Variants in ATP6V1E1 observed in about 807,000 individuals in gnomAD.
ATP6V1E1 encodes ATPase H+ transporting V1 subunit E1.
ATP6V1E1 carries 21 observed loss-of-function variants against 35.2 expected under a neutral mutation model. The observed-to-expected ratio is 0.60, with a 90% CI of 0.42 to 0.86. The LOEUF is 0.86. ATP6V1E1 is among the 40% of genes least tolerant of loss of function. ATP6V1E1 has a pLI of 0.00. For synonymous variants in ATP6V1E1, 83 were observed against 87.8 expected, an observed-to-expected ratio of 0.95 and a Z score of 0.30; for missense variants, 183 against 272.6, an observed-to-expected ratio of 0.67 and a Z score of 2.32.
At chr22:17,612,992 T>C in intron 3 of ATP6V1E1, 114 bp from the exon 4 acceptor site, 1 of 1,072,562 alleles carries the variant, frequency 9.3e-7, no homozygotes, top group Non-Finnish European at 1.4e-6. Flanking sequence ...AGCACCAGGA[T>C]TACAAGCGTG....
At chr22:17,595,063 GTTTT>G (rs774192614) in intron 7 of ATP6V1E1, 2 of 151,382 alleles carry the variant, frequency 1.3e-5, no homozygotes, top group East Asian at 3.9e-4. Flanking sequence ...AATTTGTTTT[GTTTT>G]TTTTGAGACT....
chr22:17,598,311 G>A (rs1175863283), intron 6 of ATP6V1E1, 23 bp from the exon 7 acceptor site: 1 of 1,562,690 alleles, frequency 6.4e-7, no homozygotes, highest in Non-Finnish European at 8.8e-7. Flanking sequence ...AACACAATGA[G>A]AGGTGTCACT....
chr22:17,624,830 A>AG (rs1469419855), intron 1 of ATP6V1E1, among the ~76,000 whole-genome samples: 1 of 152,194 alleles, frequency 6.6e-6, no homozygotes, highest in Non-Finnish European at 1.5e-5. Context: ...CAAAAAAAAA[A>AG]AATCATTTTG....
chr22:17,613,911 G>C (rs1054655385), intron 2 of ATP6V1E1, among the ~76,000 whole-genome samples: 1 of 152,066 alleles, frequency 6.6e-6, no homozygotes, highest in African/African-American at 2.4e-5. Context: ...AGCTTGCAGC[G>C]AGTGGAGATC....
Position 17,600,065 on chromosome 22 carries a change from T to A in ATP6V1E1, c.397A>T (p.Ile133Phe). 1 of 1,613,896 alleles carries A rather than the reference T, an allele frequency of 6.2e-7. No homozygotes were observed. Residue 133 changes from isoleucine (I) to phenylalanine (F), a missense_variant, in exon 6 of 9, where the codon ATT becomes TTT. By Grantham distance (21) the Ile-to-Phe change is conservative. Coordinates refer to ENST00000253413, the MANE Select transcript of ATP6V1E1 (RefSeq NM_001696.4). ...GLYQLLEPRM[I>F]VRCRKQDFPL... ...AAATCTTGTTTCCTGCAACGAACAA[T>A]CATTCGGGGCTCCAGCAACTGGTAC...
intron 4 of ATP6V1E1, among the ~76,000 whole-genome samples, chr22:17,609,274 C>T (rs1246107576): frequency 1.3e-5 from 2 of 151,196 alleles, no homozygotes; most frequent in East Asian, 4.0e-4. Flanking sequence ...AATTCTCCTG[C>T]CTCAGCCTCT....
At chr22:17,600,006 A>T (rs372782285) in intron 6 of ATP6V1E1, 21 bp downstream of exon 6, 2 of 1,601,142 alleles carry the variant, frequency 1.2e-6, no homozygotes, top group Non-Finnish European at 1.7e-6. Context: ...GGGAGGGAAA[A>T]AATTATCCTA....
chr22:17,609,583 C>T (rs953448174), intron 4 of ATP6V1E1, among the ~76,000 whole-genome samples: 4 of 151,368 alleles, frequency 2.6e-5, no homozygotes, highest in Non-Finnish European at 5.9e-5. Context: ...TTTCTCCTGC[C>T]TCAGCCTCCC....
In ATP6V1E1 at chr22:17,598,253, A is replaced by T; in HGVS notation, c.471T>A (p.Ile157=). The change falls in exon 7 of 9, where the codon ATT becomes ATA. Residue 157 remains isoleucine, a synonymous_variant. Coordinates refer to ENST00000253413, the MANE Select transcript of ATP6V1E1 (RefSeq NM_001696.4). Reference sequence around the variant, plus strand: ...GGACATCAACATCGTTTTTGGTGGCAATTTTGTACATAGGAATTGCCTTCT... The same window carrying T: ...GGACATCAACATCGTTTTTGGTGGCTATTTTGTACATAGGAATTGCCTTCT... The part of the protein sequence containing the change: ...AVQKAIPMYK[I]ATKNDVDVQI... 6.2e-7 allele frequency: 1 copy of T among 1,614,112 alleles called. No homozygotes were observed. The highest frequency in any genetic ancestry group is 8.5e-7 in the Non-Finnish European group (1 of 1,179,954).
intron 4 of ATP6V1E1, among the ~76,000 whole-genome samples, chr22:17,610,221 T>C (rs944216326): frequency 3.9e-5 from 6 of 151,986 alleles, no homozygotes; most frequent in African/African-American, 9.7e-5. Flanking sequence ...AAACGTTAAT[T>C]ACGTTTTTTA....
chr22:17,620,944 T>C lies in ATP6V1E1; in HGVS notation c.34-1418A>G, dbSNP rs5992765. ...CGGCGTGGTGGCGGGCGCCTGTAGT[T>C]CCAGCTACTTGGGAGGCTGAGGCAG... is the stretch of plus-strand genomic sequence containing the variant. On this transcript the variant is annotated intron_variant, in intron 1 of 8. Transcript: ENST00000253413. Among the ~76,000 whole-genome samples, 12 of 151,904 alleles carry C rather than the reference T, an allele frequency of 7.9e-5. No homozygotes were observed. In the South Asian group the frequency reaches 1.2e-3, roughly 16 times the overall value.
intron 2 of ATP6V1E1, among the ~76,000 whole-genome samples, chr22:17,617,658 G>T (rs949634355): frequency 5.9e-5 from 9 of 152,022 alleles, no homozygotes; most frequent in Admixed American, 4.6e-4. Context: ...CTTGGGAAAA[G>T]AACATTTTGA....
At chr22:17,626,969 C>G (rs1423912287) in intron 1 of ATP6V1E1, among the ~76,000 whole-genome samples, 1 of 151,992 alleles carries the variant, frequency 6.6e-6, no homozygotes, top group African/African-American at 2.4e-5. Context: ...AGCCACCACA[C>G]CTGGCGTGTA....
chr22:17,610,250 ATAAC>A (rs71804340), intron 4 of ATP6V1E1, among the ~76,000 whole-genome samples: 10,691 of 152,250 alleles, frequency 0.07, 1,257 homozygotes, highest in African/African-American at 0.24. Flanking sequence ...ATTAGAAAAA[ATAAC>A]TAATAAAATA....
chr22:17,625,939 ATT>A (rs1019369339), intron 1 of ATP6V1E1, among the ~76,000 whole-genome samples: 50 of 151,972 alleles, frequency 3.3e-4, no homozygotes, highest in African/African-American at 1.2e-3. Flanking sequence ...TTCCACAACA[ATT>A]TTTTCCCATA....
rs1780108298 is a variant in ATP6V1E1, at chr22:17,614,739, C to T, written c.100-1419G>A. Among the ~76,000 whole-genome samples, 5 of 151,312 alleles carry T rather than the reference C, an allele frequency of 3.3e-5. No homozygotes were observed. In the South Asian group the frequency reaches 8.5e-4, roughly 26 times the overall value. ...ATCCCAGCACTTTGGGAGGCAGAGG[C>T]AGGCGGATCATGAGGTCAGGAGATC... is the stretch of plus-strand genomic sequence containing the variant. On this transcript the variant is annotated intron_variant, in intron 2 of 8. Coordinates refer to ENST00000253413, the MANE Select transcript of ATP6V1E1 (RefSeq NM_001696.4).
upstream of ATP6V1E1, chr22:17,628,776 T>G (rs1380812826): frequency 2.7e-6 from 3 of 1,124,940 alleles, no homozygotes; most frequent in Non-Finnish European, 4.0e-6. Context: ...TCCTGCCAGG[T>G]GACTGCACAG....
chr22:17,609,309 C>T (rs538678300), intron 4 of ATP6V1E1, among the ~76,000 whole-genome samples: 11 of 150,878 alleles, frequency 7.3e-5, no homozygotes, highest in African/African-American at 2.7e-4. Context: ...TATAGGCGCC[C>T]GCCACCACAC....
intron 2 of ATP6V1E1, among the ~76,000 whole-genome samples, chr22:17,616,297 G>A (rs1207020677): frequency 2.0e-5 from 3 of 152,138 alleles, no homozygotes; most frequent in Non-Finnish European, 4.4e-5. Flanking sequence ...GTGGTGAGCC[G>A]ACATTGCACC....
Sources: allele counts gnomAD v4.1 joint callset (sites outside exome capture counted in the v4.1 genomes callset), GRCh38; gene constraint gnomAD v4.1.1; transcripts MANE v1.5; gene names NCBI Gene and HGNC (gene_info 2026-07-23, HGNC 2026-07-21).